The following RSPO1 variants were observed in gnomAD, a reference collection of about 807,000 sequenced individuals.
RSPO1 encodes the protein R-spondin 1, also known as R-spondin-1.
Under a neutral mutation model 26.0 loss-of-function variants are expected in RSPO1, and 18 were observed. The observed-to-expected ratio is 0.69, with a 90% CI of 0.48 to 1.03. RSPO1 has a LOEUF of 1.03. RSPO1 is among the 50% of genes least tolerant of loss of function. The pLI, the probability that RSPO1 is intolerant of heterozygous loss-of-function variation, is 0.00. For missense variants in RSPO1, 309 were observed against 352.3 expected (o/e 0.88, Z 0.98); for synonymous variants, 133 against 137.4 (o/e 0.97, Z 0.22).
intron 6 of RSPO1, 30 bp from the exon 7 acceptor site, chr1:37,612,951 A>G (rs1305328575): frequency 3.1e-6 from 5 of 1,612,870 alleles, no homozygotes; most frequent in Non-Finnish European, 4.2e-6. Context: ...GGAAGAATCA[A>G]CAAAGGATGT....
chr1:37,627,250 AGAGGCCAGG>A (rs756793327), intron 3 of RSPO1, among the ~76,000 whole-genome samples: 1 of 151,956 alleles, frequency 6.6e-6, no homozygotes, highest in Non-Finnish European at 1.5e-5. Flanking sequence ...TGTCTTATCG[AGAGGCCAGG>A]CACACACAGC....
chr1:37,612,610 CGTGT>C lies in RSPO1; in HGVS notation c.*141_*144del. On this transcript the variant is annotated 3_prime_UTR_variant, in exon 7 of 7. Coordinates refer to ENST00000356545, the MANE Select transcript of RSPO1 (RefSeq NM_001242908.2). ...TTGTATATGTGGACAGGGGTTTGAG[CGTGT>C]GTGTCTTGTGTCTATGTATGCATGG... 1 of 841,970 alleles carries C rather than the reference CGTGT, an allele frequency of 1.2e-6. No individual in the cohort carries two copies. The highest frequency in any genetic ancestry group is 2.0e-6 in the Non-Finnish European group (1 of 504,774). The allele number at this position is 841,970 out of a possible 1,614,324, so 52.2% of individuals were successfully genotyped here.
At chr1:37,628,920 T>C (rs1361052296) in intron 3 of RSPO1, among the ~76,000 whole-genome samples, 2 of 152,254 alleles carry the variant, frequency 1.3e-5, no homozygotes, top group Non-Finnish European at 2.9e-5. Flanking sequence ...GGATGCTCAT[T>C]ACCAAAAGCA....
chr1:37,634,107 G>T lies in RSPO1; in HGVS notation c.-356+459C>A, dbSNP rs1644402178. ...GAGCCGCGCCACTTCGCTGCGCACC[G>T]GGGGCCGCAGCGCATGCCGCCTGCC... On this transcript the variant is annotated intron_variant, in intron 1 of 6. Coordinates refer to ENST00000356545, the MANE Select transcript of RSPO1 (RefSeq NM_001242908.2). The surrounding 1 kb of genome is among the most constrained non-coding windows in gnomAD (Gnocchi z 4.7). Among the ~76,000 whole-genome samples the T allele has an allele frequency of 6.6e-6, 1 of 152,166 alleles. No individual in the cohort carries two copies. The highest frequency in any genetic ancestry group is 2.4e-5 in the African/African-American group (1 of 41,444).
rs773611995 is a variant in RSPO1, at chr1:37,629,605, G to A, written c.57C>T (p.Ile19=). 4 of 1,614,088 alleles carry A rather than the reference G, an allele frequency of 2.5e-6. No homozygotes were observed. Among genetic ancestry groups the A allele is most frequent in the Admixed American group, 3.3e-5 (2 of 60,026 alleles). Reference sequence around the variant, plus strand: ...TTTTCCCCTTGATCCCCCGGCTGCTGATGGTGAGGTGCGTCCAGCTCAGAA... The same window carrying A: ...TTTTCCCCTTGATCCCCCGGCTGCTAATGGTGAGGTGCGTCCAGCTCAGAA... ...ALVLSWTHLT[I]SSRGIKGKRQ... is the part of the protein sequence containing the mutation. The change falls in exon 3 of 7, where the codon ATC becomes ATT. Residue 19 remains isoleucine, a synonymous_variant. Transcript: ENST00000356545.
chr1:37,615,338 A>G (rs1644094856), intron 4 of RSPO1, among the ~76,000 whole-genome samples: 1 of 152,206 alleles, frequency 6.6e-6, no homozygotes, highest in Non-Finnish European at 1.5e-5. Flanking sequence ...AGCAGCTACC[A>G]TTCATTGAGT....
intron 3 of RSPO1, among the ~76,000 whole-genome samples, chr1:37,627,917 G>A (rs1226803595): frequency 6.6e-6 from 1 of 152,172 alleles, no homozygotes; most frequent in Non-Finnish European, 1.5e-5. Context: ...AATGAAAACT[G>A]GCTCATGTGC....
At chr1:37,627,568 TG>T (rs1644296373) in intron 3 of RSPO1, among the ~76,000 whole-genome samples, 1 of 152,146 alleles carries the variant, frequency 6.6e-6, no homozygotes, top group Admixed American at 6.5e-5. Flanking sequence ...GAGAATCACT[TG>T]AACCCGGGAG....
rs34856591 is a variant in RSPO1, at chr1:37,617,661, C to CAAAAAAAAAAAAA, written c.95-999_95-987dup. On this transcript the variant is annotated intron_variant, in intron 3 of 6. Transcript: ENST00000356545. ...CGGATGACAGAGCAAGACTCCATCT[C>CAAAAAAAAAAAAA]AAAAAAAAAAAAAAAAAAAAAAAAA... 8.8e-4 allele frequency among the ~76,000 whole-genome samples: 32 copies of CAAAAAAAAAAAAA among 36,374 alleles called. 3 individuals are homozygous for CAAAAAAAAAAAAA. Among genetic ancestry groups the CAAAAAAAAAAAAA allele is most frequent in the African/African-American group, 3.6e-3 (31 of 8,612 alleles). 23.9% of individuals were successfully genotyped at this position (36,374 alleles called of 152,430 possible).
At chr1:37,614,097 A>T (rs1644070269) in intron 5 of RSPO1, 87 bp downstream of exon 5, 1 of 1,500,070 alleles carries the variant, frequency 6.7e-7, no homozygotes, top group Non-Finnish European at 9.1e-7. Context: ...ACAGTGCCCC[A>T]GCCCACCCGC....
At chr1:37,633,647 G>A (rs1226629399) in intron 1 of RSPO1, among the ~76,000 whole-genome samples, 1 of 149,064 alleles carries the variant, frequency 6.7e-6, no homozygotes, top group Non-Finnish European at 1.5e-5. Flanking sequence ...GGCAGGCGGG[G>A]GCAGAAGAAT....
At chr1:37,614,571 A>G (rs545722117) in intron 4 of RSPO1, among the ~76,000 whole-genome samples, 1 of 152,176 alleles carries the variant, frequency 6.6e-6, no homozygotes, top group Non-Finnish European at 1.5e-5. Context: ...GACTCTTGCC[A>G]CCATCAGCCA....
At chr1:37,631,102 C>T (rs1421984293) in intron 2 of RSPO1, among the ~76,000 whole-genome samples, 1 of 152,086 alleles carries the variant, frequency 6.6e-6, no homozygotes, top group Non-Finnish European at 1.5e-5. Context: ...CTAATCCTTT[C>T]CCCTCTAGGC....
chr1:37,623,689 G>A (rs927519428), intron 3 of RSPO1, among the ~76,000 whole-genome samples: 1 of 151,120 alleles, frequency 6.6e-6, no homozygotes, highest in Non-Finnish European at 1.5e-5. Flanking sequence ...ACCAGCTTGG[G>A]CAACATAGCA....
At chr1:37,614,409 C>T (rs1570095907) in intron 4 of RSPO1, 76 bp from the exon 5 acceptor site, 3 of 1,550,666 alleles carry the variant, frequency 1.9e-6, no homozygotes, top group Non-Finnish European at 2.7e-6. Flanking sequence ...CCCCAATACC[C>T]TCCCTTCTGT....
At chr1:37,626,403 G>A (rs4073473) in intron 3 of RSPO1, among the ~76,000 whole-genome samples, 35,038 of 151,974 alleles carry the variant, frequency 0.23, 4,252 homozygotes, top group Middle Eastern at 0.29. Context: ...ACTCCTAGCT[G>A]CACCCCACTT....
At position 37,612,004 on chromosome 1, in the gene RSPO1, G is replaced by A. The variant is rs1056870671; in HGVS notation, c.*751C>T. Reference sequence around the variant, plus strand: ...TTACCACCGTCAGAGCAGCCCCTAAGTTTTCTTCCTTGTCTGCATGACCCT... The same window carrying A: ...TTACCACCGTCAGAGCAGCCCCTAAATTTTCTTCCTTGTCTGCATGACCCT... On this transcript the variant is annotated 3_prime_UTR_variant, in exon 7 of 7. Transcript: ENST00000356545. The A allele has an allele frequency of 2.0e-5, 3 of 152,248 alleles. No homozygotes were observed. Among genetic ancestry groups the A allele is most frequent in the African/African-American group, 7.2e-5 (3 of 41,422 alleles). 9.4% of individuals were successfully genotyped at this position (152,248 alleles called of 1,614,324 possible).
intron 3 of RSPO1, among the ~76,000 whole-genome samples, chr1:37,620,498 G>A (rs186715016): frequency 1.9e-3 from 284 of 152,234 alleles, no homozygotes; most frequent in Middle Eastern, 6.8e-3. Context: ...GGCCGTGGTG[G>A]CATGCACCTG....
chr1:37,624,059 C>G (rs1006780898), intron 3 of RSPO1, among the ~76,000 whole-genome samples: 1 of 152,178 alleles, frequency 6.6e-6, no homozygotes, highest in Non-Finnish European at 1.5e-5. Context: ...CAAGTCCGGC[C>G]GAGCTTTATA....
Sources: allele counts gnomAD v4.1 joint callset (sites outside exome capture counted in the v4.1 genomes callset), GRCh38; gene constraint gnomAD v4.1.1; non-coding constraint Gnocchi (gnomAD v3.1); transcripts MANE v1.5; gene names NCBI Gene and HGNC (gene_info 2026-07-23, HGNC 2026-07-21).